The following POLR3B variants were observed in gnomAD, a reference collection of about 807,000 sequenced individuals.
POLR3B encodes RNA polymerase III subunit B.
POLR3B carries 96 observed loss-of-function variants against 147.4 expected under a neutral mutation model. That is an observed-to-expected ratio of 0.65 (90% confidence interval 0.55 to 0.77). POLR3B has a LOEUF of 0.77. Among genes scored for constraint, POLR3B ranks in the 30% least tolerant of loss-of-function variants. The probability of loss-of-function intolerance (pLI) is 0.00; values close to 1 mark genes in which losing one functional copy is unlikely to be tolerated. For missense variants in POLR3B, 1,036 were observed against 1,413.5 expected, an observed-to-expected ratio of 0.73 and a Z score of 4.28; for synonymous variants, 461 against 485.9, an observed-to-expected ratio of 0.95 and a Z score of 0.67.
At chr12:106,464,824 G>A (rs1259790754) in intron 23 of POLR3B, among the ~76,000 whole-genome samples, 2 of 152,076 alleles carry the variant, frequency 1.3e-5, no homozygotes, top group Non-Finnish European at 2.9e-5. Flanking sequence ...TCCATGTTAC[G>A]GTTTTCTTGG....
chr12:106,418,926 A>G (rs1250577998), intron 12 of POLR3B, among the ~76,000 whole-genome samples: 1 of 152,214 alleles, frequency 6.6e-6, no homozygotes, highest in East Asian at 1.9e-4. Flanking sequence ...AGTACCAAGG[A>G]CATTTCCTTG....
chr12:106,387,420 C>T (rs1269239979), intron 9 of POLR3B, among the ~76,000 whole-genome samples: 1 of 152,132 alleles, frequency 6.6e-6, no homozygotes, highest in Non-Finnish European at 1.5e-5. Flanking sequence ...TGTTTGTGCA[C>T]ATTGCTGATT....
At chr12:106,503,084 C>T (rs751901196) in intron 26 of POLR3B, among the ~76,000 whole-genome samples, 1 of 152,140 alleles carries the variant, frequency 6.6e-6, no homozygotes, top group Non-Finnish European at 1.5e-5. Flanking sequence ...GTGAAGGGAG[C>T]AACTACCCAT....
At chr12:106,397,741 T>G (rs749951378) in intron 10 of POLR3B, among the ~76,000 whole-genome samples, 3 of 152,248 alleles carry the variant, frequency 2.0e-5, no homozygotes, top group Non-Finnish European at 4.4e-5. Context: ...TTTATCCTAT[T>G]GATAGACACT....
At chr12:106,471,009 C>T (rs968618746) in intron 23 of POLR3B, among the ~76,000 whole-genome samples, 7 of 152,144 alleles carry the variant, frequency 4.6e-5, no homozygotes, top group Non-Finnish European at 8.8e-5. Context: ...CAGGCAGTGA[C>T]GTTTAAGTCT....
intron 12 of POLR3B, among the ~76,000 whole-genome samples, chr12:106,417,298 T>A (rs2037317659): frequency 6.6e-6 from 1 of 152,118 alleles, no homozygotes; most frequent in Non-Finnish European, 1.5e-5. Context: ...CTGGAGGAAC[T>A]GATAGAGGGT....
At chr12:106,492,331 A>G (rs576826578) in intron 23 of POLR3B, among the ~76,000 whole-genome samples, 1 of 152,174 alleles carries the variant, frequency 6.6e-6, no homozygotes, top group East Asian at 1.9e-4. Flanking sequence ...CTTTGACTTG[A>G]GTCCAGGAAC....
intron 9 of POLR3B, among the ~76,000 whole-genome samples, chr12:106,391,907 T>C (rs2036919431): frequency 6.6e-6 from 1 of 152,194 alleles, no homozygotes; most frequent in Non-Finnish European, 1.5e-5. Flanking sequence ...GGTTCTGTCT[T>C]CTCTACAGCT....
At chr12:106,487,207 CAA>C in intron 23 of POLR3B, among the ~76,000 whole-genome samples, 1 of 152,194 alleles carries the variant, frequency 6.6e-6, no homozygotes, top group Non-Finnish European at 1.5e-5. Flanking sequence ...ATAAAAATTT[CAA>C]AGTGTTGAGT....
At chr12:106,459,898 T>A (rs568405596) in intron 22 of POLR3B, among the ~76,000 whole-genome samples, 1 of 152,298 alleles carries the variant, frequency 6.6e-6, no homozygotes, top group African/African-American at 2.4e-5. Flanking sequence ...GACTTGTTAA[T>A]CTCTAAATTT....
intron 20 of POLR3B, among the ~76,000 whole-genome samples, chr12:106,456,770 A>G (rs952145127): frequency 1.3e-5 from 2 of 152,164 alleles, no homozygotes; most frequent in Non-Finnish European, 2.9e-5. Context: ...AGATAGGTTA[A>G]GCAGGTGATT....
intron 25 of POLR3B, among the ~76,000 whole-genome samples, chr12:106,499,241 C>G (rs1468274968): frequency 6.6e-6 from 1 of 152,076 alleles, no homozygotes. Flanking sequence ...ACATTTTTGG[C>G]CAGGTGTTGA....
At chr12:106,477,897 T>C (rs2038203375) in intron 23 of POLR3B, among the ~76,000 whole-genome samples, 8 of 108,222 alleles carry the variant, frequency 7.4e-5, no homozygotes, top group Non-Finnish European at 1.2e-4. Context: ...TCCCCTTTTT[T>C]TTTTTTTTTT....
chr12:106,363,755 A>G lies in POLR3B; in HGVS notation c.73-115A>G, dbSNP rs1330006795. On this transcript the variant is annotated intron_variant, in intron 1 of 27. Transcript: ENST00000228347. Reference sequence around the variant, plus strand: ...GTGATTTCCATAAAAATGTTTAAAAATTATTCTTTTTGTTTTGATTTACTT... The same window carrying G: ...GTGATTTCCATAAAAATGTTTAAAAGTTATTCTTTTTGTTTTGATTTACTT... 4 of 888,384 alleles carry G rather than the reference A, an allele frequency of 4.5e-6. No homozygotes were observed. In the East Asian group the frequency reaches 9.7e-5, roughly 22 times the overall value. 55.0% of individuals were successfully genotyped at this position (888,384 alleles called of 1,614,324 possible).
At chr12:106,447,848 A>G (rs1022578007) in intron 19 of POLR3B, among the ~76,000 whole-genome samples, 2 of 152,194 alleles carry the variant, frequency 1.3e-5, no homozygotes, top group African/African-American at 2.4e-5. Context: ...TTTAAAGCTC[A>G]GGAGTGAATG....
chr12:106,413,832 T>G lies in POLR3B; in HGVS notation c.1101+2872T>G, dbSNP rs117089385. On this transcript the variant is annotated intron_variant, in intron 12 of 27. Transcript: ENST00000228347. Reference sequence around the variant, plus strand: ...CATTCTGTGCGATTGTTTTTCTAATTTAGCTCTTAGTTCATTTTCTATTCA... The same window carrying G: ...CATTCTGTGCGATTGTTTTTCTAATGTAGCTCTTAGTTCATTTTCTATTCA... Among the ~76,000 whole-genome samples, 1,228 of 152,172 alleles carry G rather than the reference T, an allele frequency of 8.1e-3. 8 individuals carry two copies. The highest frequency in any genetic ancestry group is 0.014 in the Non-Finnish European group (922 of 67,966).
chr12:106,376,282 T>TGCA, intron 6 of POLR3B, 77 bp from the exon 7 acceptor site: 3 of 935,420 alleles, frequency 3.2e-6, no homozygotes, highest in Non-Finnish European at 3.5e-6. Context: ...TGGTGTGCAC[T>TGCA]GCATGTTTTG....
chr12:106,361,179 C>T (rs764025842), intron 1 of POLR3B, among the ~76,000 whole-genome samples: 10 of 152,066 alleles, frequency 6.6e-5, no homozygotes, highest in South Asian at 4.1e-4. Context: ...TTGAAAGGGA[C>T]GAGCAGGAAG....
intron 9 of POLR3B, among the ~76,000 whole-genome samples, chr12:106,384,101 C>T (rs1222907959): frequency 2.0e-5 from 3 of 152,008 alleles, no homozygotes; most frequent in Admixed American, 1.3e-4. Flanking sequence ...TAAGCACATG[C>T]TCTTGGAAAA....
Sources: allele counts gnomAD v4.1 joint callset (sites outside exome capture counted in the v4.1 genomes callset), GRCh38; gene constraint gnomAD v4.1.1; transcripts MANE v1.5; gene names NCBI Gene and HGNC (gene_info 2026-07-23, HGNC 2026-07-21).